The following ARFGEF2 variants were observed in gnomAD, a reference collection of about 807,000 sequenced individuals.
The protein encoded by ARFGEF2 is ARF guanine nucleotide exchange factor 2.
Under a neutral mutation model 219.9 loss-of-function variants are expected in ARFGEF2, and 74 were observed. The observed-to-expected ratio is 0.34, with a 90% CI of 0.28 to 0.41. The LOEUF is 0.41. ARFGEF2 is among the 10% of genes least tolerant of loss of function. The pLI is 1.00. For synonymous variants in ARFGEF2, 733 were observed against 799.2 expected (o/e 0.92, Z 1.40); for missense variants, 1,743 against 2,218.3 (o/e 0.79, Z 4.30).
intron 6 of ARFGEF2, among the ~76,000 whole-genome samples, chr20:48,956,837 C>T (rs2091108801): frequency 6.6e-6 from 1 of 152,210 alleles, no homozygotes; most frequent in South Asian, 2.1e-4. Flanking sequence ...GTCTCGGCCT[C>T]CCAAAGTAAT....
intron 8 of ARFGEF2, among the ~76,000 whole-genome samples, chr20:48,968,474 C>T (rs1376892162): frequency 4.6e-5 from 7 of 151,592 alleles, no homozygotes; most frequent in Non-Finnish European, 1.0e-4. Flanking sequence ...GCGATCTCGG[C>T]TCACTGCAAC....
intron 6 of ARFGEF2, among the ~76,000 whole-genome samples, chr20:48,958,301 G>A (rs1004970947): frequency 6.6e-6 from 1 of 152,176 alleles, no homozygotes; most frequent in African/African-American, 2.4e-5. Flanking sequence ...CTGAGGCTTG[G>A]GGAGGTTAAG....
At chr20:48,934,052 G>A (rs530505034) in intron 1 of ARFGEF2, among the ~76,000 whole-genome samples, 2 of 150,504 alleles carry the variant, frequency 1.3e-5, no homozygotes, top group South Asian at 2.1e-4. Flanking sequence ...CCCAGGAGGC[G>A]GAGGTTGCAG....
intron 1 of ARFGEF2, among the ~76,000 whole-genome samples, chr20:48,935,522 T>A (rs1271816447): frequency 6.6e-6 from 1 of 152,180 alleles, no homozygotes; most frequent in African/African-American, 2.4e-5. Flanking sequence ...AACCATCCGA[T>A]TTCTCAATCT....
rs1743858976 is a variant in ARFGEF2, at chr20:48,974,762, T to A, written c.1666-4T>A. On this transcript the variant is annotated splice_polypyrimidine_tract_variant and splice_region_variant and intron_variant, in intron 12 of 38. Coordinates refer to ENST00000371917, the MANE Select transcript of ARFGEF2 (RefSeq NM_006420.3). The stretch of plus-strand genomic sequence containing the variant: ...TCTCTTTCCTGTGTGACTTCGTCCC[T>A]TAGGAGCTCAGCCTGAGGAAGAAAG... The A allele has an allele frequency of 6.2e-7, 1 of 1,611,952 alleles. No homozygotes were observed. The highest frequency in any genetic ancestry group is 1.3e-5 in the African/African-American group (1 of 75,022).
At chr20:49,021,057 A>T (rs199569585) in intron 34 of ARFGEF2, among the ~76,000 whole-genome samples, 1 of 147,116 alleles carries the variant, frequency 6.8e-6, no homozygotes, top group Non-Finnish European at 1.5e-5. Context: ...CCACTGTATT[A>T]AAAAAAAAAA....
chr20:48,921,772 C>A lies in ARFGEF2; in HGVS notation c.-118C>A. ...GTGGGGCCGAGGTGTCGCTTCCTGA[C>A]GGGGCGGCGCGGACGGACGCGGCCG... On this transcript the variant is annotated 5_prime_UTR_variant, in exon 1 of 39. Transcript: ENST00000371917. 4 of 1,083,296 alleles carry A rather than the reference C, an allele frequency of 3.7e-6. No homozygotes were observed. Among genetic ancestry groups the A allele is most frequent in the Non-Finnish European group, 4.6e-6 (4 of 872,046 alleles). The allele number at this position is 1,083,296 out of a possible 1,614,324, so 67.1% of individuals were successfully genotyped here.
rs2091666601 is a variant in ARFGEF2, at chr20:49,036,461, T to C, written c.*3262T>C. 1 of 381,996 alleles carries C rather than the reference T, an allele frequency of 2.6e-6. No homozygotes were observed. Among genetic ancestry groups the C allele is most frequent in the Non-Finnish European group, 4.6e-6 (1 of 216,534 alleles). The allele number at this position is 381,996 out of a possible 1,614,324, so 23.7% of individuals were successfully genotyped here. A position where few individuals can be genotyped will look rare whatever the true frequency, so the allele number is the denominator to read the frequency against. On this transcript the variant is annotated 3_prime_UTR_variant, in exon 39 of 39. Transcript: ENST00000371917. ...TTACCTCCTTAAAATGCCTAAAAGTTAGTTAATAGTTACTTTGGTTTAACC... is the reference window on the plus strand; with the variant it reads ...TTACCTCCTTAAAATGCCTAAAAGTCAGTTAATAGTTACTTTGGTTTAACC...
intron 1 of ARFGEF2, among the ~76,000 whole-genome samples, chr20:48,935,785 C>T (rs1451214007): frequency 6.7e-6 from 1 of 148,338 alleles, no homozygotes; most frequent in Admixed American, 6.6e-5. Flanking sequence ...ACCCCCCCAC[C>T]TCCCTCCCGG....
At chr20:48,963,350 T>G (rs989300751) in intron 6 of ARFGEF2, among the ~76,000 whole-genome samples, 2 of 152,196 alleles carry the variant, frequency 1.3e-5, no homozygotes, top group African/African-American at 4.8e-5. Flanking sequence ...TAGTAAATCC[T>G]TAACTATCAC....
intron 9 of ARFGEF2, among the ~76,000 whole-genome samples, 200 bp downstream of exon 9, chr20:48,969,477 A>G (rs1000005486): frequency 1.3e-5 from 2 of 152,196 alleles, no homozygotes. Context: ...TATCCCCACC[A>G]ACCAAGATTT....
chr20:48,989,477 G>C (rs760777601), intron 19 of ARFGEF2, 41 bp downstream of exon 19: 24 of 1,614,110 alleles, frequency 1.5e-5, no homozygotes, highest in Non-Finnish European at 2.0e-5. Flanking sequence ...GGCTAAGCCT[G>C]ATTCTGAAGC....
At chr20:48,953,425 C>G in intron 5 of ARFGEF2, 131 bp from the exon 6 acceptor site, 1 of 841,082 alleles carries the variant, frequency 1.2e-6, no homozygotes, top group Admixed American at 1.9e-5. Context: ...TTCCTGCTGC[C>G]TCAGCCTTCC....
intron 21 of ARFGEF2, among the ~76,000 whole-genome samples, chr20:48,992,145 G>A (rs1048450836): frequency 5.9e-5 from 9 of 152,136 alleles, no homozygotes; most frequent in Admixed American, 5.9e-4. Context: ...AAAGACTATT[G>A]TGGGAAAATG....
At chr20:48,997,681 T>G (rs753075356) in intron 23 of ARFGEF2, among the ~76,000 whole-genome samples, 1 of 152,172 alleles carries the variant, frequency 6.6e-6, no homozygotes, top group Non-Finnish European at 1.5e-5. Context: ...ACCACATCAT[T>G]TATTTCGGTG....
chr20:48,924,977 G>GC (rs2090867956), intron 1 of ARFGEF2, among the ~76,000 whole-genome samples: 1 of 152,172 alleles, frequency 6.6e-6, no homozygotes, highest in African/African-American at 2.4e-5. Context: ...ACAAACCACA[G>GC]CAGCTGTAAT....
At chr20:49,025,621 G>C in intron 36 of ARFGEF2, 140 bp downstream of exon 36, 20 of 923,042 alleles carry the variant, frequency 2.2e-5, no homozygotes, top group Non-Finnish European at 3.1e-5. Flanking sequence ...GGAGAGAAGG[G>C]AAATGTTGGA....
intron 9 of ARFGEF2, among the ~76,000 whole-genome samples, chr20:48,970,769 T>C (rs2091222150): frequency 6.6e-6 from 1 of 152,184 alleles, no homozygotes; most frequent in African/African-American, 2.4e-5. Context: ...TCATGGTGTG[T>C]GAAACAGAGT....
Position 49,035,752 on chromosome 20 carries a change from C to A in ARFGEF2, c.*2553C>A. 5 of 153,010 alleles carry A rather than the reference C, an allele frequency of 3.3e-5. No individual in the cohort carries two copies. Among genetic ancestry groups the A allele is most frequent in the Non-Finnish European group, 7.3e-5 (5 of 68,936 alleles). 9.5% of individuals were successfully genotyped at this position (153,010 alleles called of 1,614,324 possible). On this transcript the variant is annotated 3_prime_UTR_variant, in exon 39 of 39. Coordinates refer to ENST00000371917, the MANE Select transcript of ARFGEF2 (RefSeq NM_006420.3). ...TCTCTAGAGAAGTTTTTATTTGTTA[C>A]AATACTGCTGCTTTGAGCAATTTTG...
Sources: allele counts gnomAD v4.1 joint callset (sites outside exome capture counted in the v4.1 genomes callset), GRCh38; gene constraint gnomAD v4.1.1; transcripts MANE v1.5; gene names NCBI Gene and HGNC (gene_info 2026-07-23, HGNC 2026-07-21).